ARL15: variants seen among roughly 807,000 people sequenced by gnomAD.
ARL15 encodes the protein ADP-ribosylation factor-like protein 15.
In ARL15, 19 loss-of-function variants were observed where a neutral mutation model predicts 25.2. That is an observed-to-expected ratio of 0.75 (90% confidence interval 0.53 to 1.10). The LOEUF is 1.10. Among genes scored for constraint, ARL15 ranks in the 50% least tolerant of loss-of-function variants. ARL15 has a pLI of 0.00. For synonymous variants in ARL15, 94 were observed against 86.8 expected (o/e 1.08, Z -0.46); for missense variants, 220 against 246.0 (o/e 0.89, Z 0.71).
At chr5:53,910,148 T>G (rs1745404532) in intron 4 of ARL15, among the ~76,000 whole-genome samples, 1 of 152,150 alleles carries the variant, frequency 6.6e-6, no homozygotes, top group African/African-American at 2.4e-5. Context: ...GCTGCAATGT[T>G]TATATGTGGA....
intron 1 of ARL15, among the ~76,000 whole-genome samples, chr5:54,254,530 T>C (rs891306023): frequency 3.3e-5 from 5 of 152,224 alleles, no homozygotes; most frequent in African/African-American, 1.2e-4. Context: ...CATAAAGAAG[T>C]TGACAGGAGT....
At chr5:54,114,417 A>AAAATAAAAAAAT (rs1554041185) in intron 3 of ARL15, among the ~76,000 whole-genome samples, 1 of 148,964 alleles carries the variant, frequency 6.7e-6, no homozygotes, top group Non-Finnish European at 1.5e-5. Flanking sequence ...AAAAAAAAAA[A>AAAATAAAAAAAT]AAAAAGCAAC....
At chr5:54,291,471 AT>A (rs1194610099) in intron 1 of ARL15, among the ~76,000 whole-genome samples, 4 of 152,258 alleles carry the variant, frequency 2.6e-5, no homozygotes, top group African/African-American at 9.6e-5. Flanking sequence ...ATTTTGTATT[AT>A]TTTTTATATT....
intron 1 of ARL15, among the ~76,000 whole-genome samples, chr5:54,196,866 T>C (rs1755564354): frequency 1.3e-5 from 2 of 152,176 alleles, no homozygotes; most frequent in South Asian, 4.1e-4. Flanking sequence ...TTGTTACCTA[T>C]AGAAGCCTCC....
chr5:53,917,771 A>T (rs966255364), intron 4 of ARL15, among the ~76,000 whole-genome samples: 1 of 152,150 alleles, frequency 6.6e-6, no homozygotes, highest in Non-Finnish European at 1.5e-5. Flanking sequence ...AGGCTTTAAC[A>T]TTGCTCTAAT....
intron 2 of ARL15, among the ~76,000 whole-genome samples, chr5:54,168,578 C>T (rs922064494): frequency 6.6e-6 from 1 of 152,088 alleles, no homozygotes; most frequent in Non-Finnish European, 1.5e-5. Context: ...TCTCCCCCAA[C>T]AGCTTCTCTA....
At chr5:53,898,105 C>T (rs779911128) in intron 4 of ARL15, among the ~76,000 whole-genome samples, 10 of 152,102 alleles carry the variant, frequency 6.6e-5, no homozygotes, top group South Asian at 2.1e-4. Context: ...ATGTTGAGCA[C>T]GCTGAGGAGG....
chr5:54,093,201 G>T (rs1014329560), intron 4 of ARL15, among the ~76,000 whole-genome samples: 2 of 152,170 alleles, frequency 1.3e-5, no homozygotes, highest in Non-Finnish European at 2.9e-5. Context: ...TGAATGTAGA[G>T]TGCTCACAGA....
chr5:54,008,661 G>A (rs1011249975), intron 4 of ARL15, among the ~76,000 whole-genome samples: 2 of 152,164 alleles, frequency 1.3e-5, no homozygotes, highest in African/African-American at 2.4e-5. Flanking sequence ...AATCACAGGG[G>A]TGTATTTTGA....
chr5:54,147,674 C>T (rs189152388), intron 3 of ARL15, among the ~76,000 whole-genome samples: 10 of 152,272 alleles, frequency 6.6e-5, no homozygotes, highest in Admixed American at 5.2e-4. Context: ...GGTTTCTCAC[C>T]ATCCCTCCCA....
chr5:54,125,075 G>GTTTTTTTTTTTTTTTTTTTTTTT (rs774608441), intron 3 of ARL15, among the ~76,000 whole-genome samples: 4 of 134,968 alleles, frequency 3.0e-5, no homozygotes, highest in African/African-American at 5.8e-5. Context: ...TTTTTGTTTT[G>GTTTTTTTTTTTTTTTTTTTTTTT]TTTTGTTTTG....
intron 4 of ARL15, among the ~76,000 whole-genome samples, chr5:53,984,716 TTG>T (rs1443714673): frequency 6.6e-6 from 1 of 152,180 alleles, no homozygotes; most frequent in Non-Finnish European, 1.5e-5. Flanking sequence ...TATTTTCCCC[TTG>T]TGTTAATTTA....
chr5:54,281,069 T>C (rs1177222807), intron 1 of ARL15, among the ~76,000 whole-genome samples: 1 of 152,064 alleles, frequency 6.6e-6, no homozygotes, highest in African/African-American at 2.4e-5. Context: ...AAAGTAAATA[T>C]GTAGTTTAAA....
intron 2 of ARL15, among the ~76,000 whole-genome samples, chr5:54,164,370 A>G (rs1192899659): frequency 6.6e-6 from 1 of 151,996 alleles, no homozygotes; most frequent in African/African-American, 2.4e-5. Context: ...ATAAAATGTT[A>G]ATCAGGTCAA....
chr5:53,962,422 C>T (rs1241684971), intron 4 of ARL15, among the ~76,000 whole-genome samples: 1 of 152,046 alleles, frequency 6.6e-6, no homozygotes, highest in South Asian at 2.1e-4. Flanking sequence ...ATAGTCATTG[C>T]TATAGAATCT....
chr5:53,887,302 G>C, intron 4 of ARL15: 1 of 687,502 alleles, frequency 1.5e-6, no homozygotes, highest in South Asian at 1.5e-5. Context: ...ATGTATGTTT[G>C]TATGCATATA....
Position 53,898,106 on chromosome 5 carries a change from G to A in ARL15, c.463-11393C>T, listed in dbSNP as rs150861555. On this transcript the variant is annotated intron_variant, in intron 4 of 4. Transcript: ENST00000504924. ...TCTTCACTGTCTTCATGTTGAGCAC[G>A]CTGAGGAGGAGGAGGAAGAGAGGTT... Among the ~76,000 whole-genome samples, 759 of 152,254 alleles carry A rather than the reference G, an allele frequency of 5.0e-3. 6 individuals are homozygous for A. The highest frequency in any genetic ancestry group is 0.018 in the African/African-American group (730 of 41,540).
At chr5:53,911,024 GAACAAT>G (rs1561145677) in intron 4 of ARL15, among the ~76,000 whole-genome samples, 1 of 152,088 alleles carries the variant, frequency 6.6e-6, no homozygotes, top group African/African-American at 2.4e-5. Context: ...ATCTGGAGTT[GAACAAT>G]AACATTCAAT....
chr5:53,902,660 T>C (rs1215861006), intron 4 of ARL15, among the ~76,000 whole-genome samples: 1 of 152,146 alleles, frequency 6.6e-6, no homozygotes, highest in African/African-American at 2.4e-5. Context: ...CAGATTCAAA[T>C]TCTTGGGCCA....
Sources: gnomAD v4.1 joint callset for allele counts (sites outside exome capture counted in the v4.1 genomes callset) on GRCh38, gnomAD v4.1.1 for gene constraint, MANE v1.5 for transcripts, NCBI Gene and HGNC (gene_info 2026-07-23, HGNC 2026-07-21) for gene names.